The following ATP8A2 variants were observed in gnomAD, a reference collection of about 807,000 sequenced individuals.
ATP8A2 encodes phospholipid-transporting ATPase IB.
Under a neutral mutation model 165.6 loss-of-function variants are expected in ATP8A2, and 100 were observed. The observed-to-expected ratio is 0.60, with a 90% CI of 0.51 to 0.71. The LOEUF is 0.71. Ranked by LOEUF, ATP8A2 falls within the 30% of genes least tolerant of loss-of-function variation. The probability of loss-of-function intolerance (pLI) is 0.00; values close to 1 mark genes in which losing one functional copy is unlikely to be tolerated. For synonymous variants in ATP8A2, 543 were observed against 548.8 expected, an observed-to-expected ratio of 0.99 and a Z score of 0.15; for missense variants, 1,227 against 1,479.5, an observed-to-expected ratio of 0.83 and a Z score of 2.80.
intron 33 of ATP8A2, among the ~76,000 whole-genome samples, chr13:25,904,317 C>A (rs1953862727): frequency 6.6e-6 from 1 of 152,230 alleles, no homozygotes; most frequent in Admixed American, 6.5e-5. Context: ...ATCCACTGCC[C>A]AGCTCAGGCT....
intron 27 of ATP8A2, among the ~76,000 whole-genome samples, chr13:25,777,372 A>G (rs1462585715): frequency 1.3e-5 from 2 of 152,200 alleles, no homozygotes; most frequent in African/African-American, 2.4e-5. Flanking sequence ...GGAAAGTACT[A>G]CTTACTTGCA....
chr13:25,837,399 A>G lies in ATP8A2; in HGVS notation c.2877+114A>G, dbSNP rs17082809. ...AGAAAGAACATTTGAGAAGTGCTGA[A>G]AACATGATCCACTCACCCCACCACC... On this transcript the variant is annotated intron_variant, in intron 29 of 36. Transcript: ENST00000381655. The G allele has an allele frequency of 6.7e-3, 7,717 of 1,155,872 alleles. 372 individuals are homozygous for G. The African/African-American group carries it at 0.1, about 15-fold the overall frequency. 71.6% of individuals were successfully genotyped at this position (1,155,872 alleles called of 1,614,324 possible).
intron 25 of ATP8A2, among the ~76,000 whole-genome samples, chr13:25,715,234 G>T (rs1351791885): frequency 6.6e-6 from 1 of 152,170 alleles, no homozygotes; most frequent in Admixed American, 6.5e-5. Flanking sequence ...AGGTCTGCAA[G>T]TCTCATTGGA....
chr13:25,838,836 A>G (rs1383283161), intron 29 of ATP8A2, among the ~76,000 whole-genome samples: 4 of 152,172 alleles, frequency 2.6e-5, no homozygotes, highest in Non-Finnish European at 4.4e-5. Context: ...AACGCAGAAG[A>G]CAGGTGATTT....
At chr13:25,467,753 G>T (rs1398240447) in intron 1 of ATP8A2, among the ~76,000 whole-genome samples, 1 of 151,884 alleles carries the variant, frequency 6.6e-6, no homozygotes, top group Admixed American at 6.6e-5. Flanking sequence ...GGGTTTCACC[G>T]TGTTAGCCGG....
chr13:25,860,713 A>T (rs1952323066), intron 31 of ATP8A2, 91 bp from the exon 32 acceptor site: 1 of 980,898 alleles, frequency 1.0e-6, no homozygotes, highest in Non-Finnish European at 1.6e-6. Context: ...TGGGGAAGCT[A>T]GTTCTGGAGT....
chr13:25,798,829 C>T (rs1950551282), intron 27 of ATP8A2, among the ~76,000 whole-genome samples: 1 of 151,994 alleles, frequency 6.6e-6, no homozygotes, highest in Non-Finnish European at 1.5e-5. Context: ...AAAGCTTTAC[C>T]TCTATCCTCT....
intron 24 of ATP8A2, among the ~76,000 whole-genome samples, chr13:25,657,584 C>T (rs1014703360): frequency 2.6e-5 from 4 of 152,146 alleles, no homozygotes; most frequent in African/African-American, 9.7e-5. Context: ...TACTGCATAG[C>T]CCAAATAAAT....
chr13:25,418,865 T>G (rs1336206246), intron 1 of ATP8A2, among the ~76,000 whole-genome samples: 1 of 152,200 alleles, frequency 6.6e-6, no homozygotes. Context: ...AACAGTCAGT[T>G]TGTAAGAGGG....
At chr13:25,402,379 G>C (rs1003672152) in intron 1 of ATP8A2, among the ~76,000 whole-genome samples, 1 of 152,178 alleles carries the variant, frequency 6.6e-6, no homozygotes, top group Non-Finnish European at 1.5e-5. Flanking sequence ...ACACAAACAG[G>C]CTTCATGGAC....
At chr13:25,398,911 T>C (rs1471072406) in intron 1 of ATP8A2, among the ~76,000 whole-genome samples, 1 of 47,440 alleles carries the variant, frequency 2.1e-5, no homozygotes, top group Non-Finnish European at 6.3e-5. Context: ...GTAATGCATA[T>C]GAAAAAAAAA....
rs1957147444 is a variant in ATP8A2 at position 26,025,228 on chromosome 13, CA to C, written c.*5245del. The C allele has an allele frequency of 6.6e-6, 1 of 151,592 alleles. No individual in the cohort carries two copies. The highest frequency in any genetic ancestry group is 2.1e-4 in the South Asian group (1 of 4,778). The allele number at this position is 151,592 out of a possible 1,614,324, so 9.4% of individuals were successfully genotyped here. On this transcript the variant is annotated 3_prime_UTR_variant, in exon 37 of 37. Coordinates refer to ENST00000381655, the MANE Select transcript of ATP8A2 (RefSeq NM_016529.6). ...ACTTTTGGGTTTTCATGGATAAAAT[CA>C]ATGTCAGTACTGAAACTCCTACTCT...
intron 23 of ATP8A2, among the ~76,000 whole-genome samples, chr13:25,586,487 C>A (rs1239289600): frequency 6.6e-6 from 1 of 152,178 alleles, no homozygotes; most frequent in Non-Finnish European, 1.5e-5. Context: ...GGCCTCAGCT[C>A]CCTGGTTCTC....
intron 24 of ATP8A2, among the ~76,000 whole-genome samples, chr13:25,679,885 A>G (rs2042448393): frequency 6.6e-6 from 1 of 152,144 alleles, no homozygotes; most frequent in African/African-American, 2.4e-5. Flanking sequence ...GAAAAATAGG[A>G]GGTCAAGGGG....
intron 28 of ATP8A2, among the ~76,000 whole-genome samples, chr13:25,831,466 G>A (rs1951468131): frequency 6.6e-6 from 1 of 152,032 alleles, no homozygotes; most frequent in African/African-American, 2.4e-5. Flanking sequence ...ACCCGCCTTG[G>A]CCTCCCAAAG....
At position 25,375,585 on chromosome 13, in the gene ATP8A2, C is replaced by CT. The variant is rs11312033; in HGVS notation, c.76+3310dup. Among the ~76,000 whole-genome samples, 363 of 147,638 alleles carry CT rather than the reference C, an allele frequency of 2.5e-3. 1 individual carries two copies. The highest frequency in any genetic ancestry group is 4.4e-3 in the Admixed American group (65 of 14,896). ...CAGAACCCAGAGGACTACAAATATT[C>CT]TTTTTTTTTTTTTATTTTGAGCCTG... is the stretch of plus-strand genomic sequence containing the variant. On this transcript the variant is annotated intron_variant, in intron 1 of 36. Coordinates refer to ENST00000381655, the MANE Select transcript of ATP8A2 (RefSeq NM_016529.6).
At chr13:25,675,522 A>G (rs1184635688) in intron 24 of ATP8A2, among the ~76,000 whole-genome samples, 4 of 152,226 alleles carry the variant, frequency 2.6e-5, no homozygotes, top group African/African-American at 9.7e-5. Flanking sequence ...AAGTTTTATC[A>G]GATAGCTTTT....
intron 24 of ATP8A2, among the ~76,000 whole-genome samples, chr13:25,616,689 T>C (rs1027546726): frequency 2.0e-5 from 3 of 152,182 alleles, no homozygotes; most frequent in Non-Finnish European, 4.4e-5. Flanking sequence ...TCCCTAATAA[T>C]TTCCTATTTG....
rs1356222046 is a variant in ATP8A2 at position 25,502,618 on chromosome 13, A to G, written c.222-27381A>G. ...TTAAGCTGCTAATAGTAAGCTACAA[A>G]TAGTAACTGCTATGATAATATTCAG... On this transcript the variant is annotated intron_variant, in intron 2 of 36. Coordinates refer to ENST00000381655, the MANE Select transcript of ATP8A2 (RefSeq NM_016529.6). Among the ~76,000 whole-genome samples the G allele has an allele frequency of 2.6e-5, 4 of 152,356 alleles. No individual in the cohort carries two copies. In the East Asian group the frequency reaches 5.8e-4, roughly 22 times the overall value.
Sources: allele counts gnomAD v4.1 joint callset (sites outside exome capture counted in the v4.1 genomes callset), GRCh38; gene constraint gnomAD v4.1.1; transcripts MANE v1.5; gene names NCBI Gene and HGNC (gene_info 2026-07-23, HGNC 2026-07-21).